The following DRGX variants were observed in gnomAD, a reference collection of about 807,000 sequenced individuals.
DRGX encodes dorsal root ganglia homeobox protein.
Under a neutral mutation model 28.6 loss-of-function variants are expected in DRGX, and 21 were observed. That is an observed-to-expected ratio of 0.73 (90% CI 0.52 to 1.06). The LOEUF (loss-of-function observed/expected upper bound fraction) is 1.06, where lower values mean the gene tolerates loss of function less well. DRGX is among the 50% of genes least tolerant of loss of function. The pLI, the probability that DRGX is intolerant of heterozygous loss-of-function variation, is 0.00. For missense variants in DRGX, 354 were observed against 343.9 expected (o/e 1.03, Z -0.23); for synonymous variants, 136 against 139.1 (o/e 0.98, Z 0.16).
chr10:49,372,055 G>T (rs897895658), intron 6 of DRGX, among the ~76,000 whole-genome samples: 9 of 152,150 alleles, frequency 5.9e-5, no homozygotes, highest in Non-Finnish European at 1.3e-4. Context: ...GGAGCCATTT[G>T]CACAGAGGCA....
intron 6 of DRGX, among the ~76,000 whole-genome samples, chr10:49,375,791 C>T (rs1383585718): frequency 1.3e-5 from 2 of 152,116 alleles, no homozygotes; most frequent in Non-Finnish European, 2.9e-5. Context: ...ACAGCCAGAG[C>T]AGTCACAGGG....
intron 2 of DRGX, chr10:49,391,926 C>T (rs185786813): frequency 4.1e-6 from 2 of 482,568 alleles, no homozygotes; most frequent in East Asian, 1.3e-4. Flanking sequence ...GTCCTGAATG[C>T]CAAGCAGACT....
intron 6 of DRGX, among the ~76,000 whole-genome samples, chr10:49,375,644 G>A (rs1004383798): frequency 1.3e-5 from 2 of 152,078 alleles, no homozygotes; most frequent in African/African-American, 4.8e-5. Flanking sequence ...TCATTGATGG[G>A]GGCCAACTCA....
intron 6 of DRGX, among the ~76,000 whole-genome samples, chr10:49,368,510 G>C (rs1446072075): frequency 6.6e-6 from 1 of 152,252 alleles, no homozygotes; most frequent in Non-Finnish European, 1.5e-5. Context: ...CACAGGCATA[G>C]CCACACCCTG....
rs369286007 is a variant in DRGX at position 49,381,266 on chromosome 10, C to T, written c.526+5212G>A. ...GGGCAGCCCGAGGGCCATCCAGGCG[C>T]CCACCTGGTAACCCTGCAGACTGGT... On this transcript the variant is annotated intron_variant, in intron 6 of 6. Transcript: ENST00000374139. 3.3e-5 allele frequency among the ~76,000 whole-genome samples: 5 copies of T among 152,332 alleles called. 1 individual carries two copies. Among genetic ancestry groups the T allele is most frequent in the African/African-American group, 1.2e-4 (5 of 41,572 alleles).
At chr10:49,376,203 C>T (rs565958174) in intron 6 of DRGX, among the ~76,000 whole-genome samples, 3 of 152,242 alleles carry the variant, frequency 2.0e-5, no homozygotes, top group Admixed American at 6.5e-5. Flanking sequence ...CTGCAGAAGC[C>T]GTGGTAACAT....
At chr10:49,386,947 C>T in intron 4 of DRGX, 89 bp from the exon 5 acceptor site, 1 of 1,426,202 alleles carries the variant, frequency 7.0e-7, no homozygotes, top group East Asian at 2.4e-5. Context: ...ACTCACAGCT[C>T]ACCCTGCAGC....
At chr10:49,370,854 T>C (rs1849651559) in intron 6 of DRGX, among the ~76,000 whole-genome samples, 1 of 152,216 alleles carries the variant, frequency 6.6e-6, no homozygotes, top group Admixed American at 6.5e-5. Context: ...TCAATACGAC[T>C]TCACAGTAAC....
Position 49,366,385 on chromosome 10 carries a change from G to T in DRGX, c.527-4C>A, listed in dbSNP as rs1467096534. On this transcript the variant is annotated splice_region_variant and splice_polypyrimidine_tract_variant and intron_variant, in intron 6 of 6. Coordinates refer to ENST00000374139, the MANE Select transcript of DRGX (RefSeq NM_001276451.2). ...CAGCAAGAGCACAGTGGGCCCCCTGGAAAAGGAAAAACAACAGGCTCCCAT... is the reference window on the plus strand; with the variant it reads ...CAGCAAGAGCACAGTGGGCCCCCTGTAAAAGGAAAAACAACAGGCTCCCAT... 2 of 1,591,524 alleles carry T rather than the reference G, an allele frequency of 1.3e-6. No individual in the cohort carries two copies. Among genetic ancestry groups the T allele is most frequent in the Non-Finnish European group, 1.7e-6 (2 of 1,165,710 alleles).
intron 6 of DRGX, among the ~76,000 whole-genome samples, chr10:49,375,532 G>C (rs1228939299): frequency 6.6e-6 from 1 of 152,204 alleles, no homozygotes; most frequent in East Asian, 1.9e-4. Flanking sequence ...TAATTTGGAA[G>C]GGGTTTTGGT....
chr10:49,384,780 C>T (rs1849813646), intron 6 of DRGX, among the ~76,000 whole-genome samples: 1 of 152,198 alleles, frequency 6.6e-6, no homozygotes, highest in South Asian at 2.1e-4. Flanking sequence ...CCTCGGTCTC[C>T]CCACCCTCCT....
chr10:49,366,517 C>A, intron 6 of DRGX, 136 bp from the exon 7 acceptor site: 1 of 1,298,664 alleles, frequency 7.7e-7, no homozygotes, highest in Non-Finnish European at 1.0e-6. Context: ...GGGAGAAGGA[C>A]AAGTGCTCAG....
intron 6 of DRGX, among the ~76,000 whole-genome samples, chr10:49,371,546 CT>C (rs1201376570): frequency 6.6e-6 from 1 of 151,708 alleles, no homozygotes; most frequent in Non-Finnish European, 1.5e-5. Flanking sequence ...AATCCCAGCA[CT>C]TTGGGAGGCC....
At chr10:49,383,934 A>C (rs964583817) in intron 6 of DRGX, among the ~76,000 whole-genome samples, 10 of 152,242 alleles carry the variant, frequency 6.6e-5, no homozygotes, top group Non-Finnish European at 1.3e-4. Context: ...AATACTTCAA[A>C]TATAAATACA....
intron 6 of DRGX, among the ~76,000 whole-genome samples, chr10:49,371,034 A>G (rs894079990): frequency 3.9e-5 from 6 of 152,214 alleles, no homozygotes; most frequent in African/African-American, 1.4e-4. Context: ...GGGGATAGGA[A>G]CTACAGTGAT....
intron 6 of DRGX, among the ~76,000 whole-genome samples, chr10:49,377,179 G>A (rs1405554165): frequency 6.6e-6 from 1 of 152,236 alleles, no homozygotes; most frequent in Non-Finnish European, 1.5e-5. Context: ...CAGGCCCAGA[G>A]CAACACAAGA....
chr10:49,366,840 A>C (rs1325090771), intron 6 of DRGX, among the ~76,000 whole-genome samples: 1 of 152,240 alleles, frequency 6.6e-6, no homozygotes, highest in Non-Finnish European at 1.5e-5. Flanking sequence ...GGTGCCGGGC[A>C]AGCTGCTGGC....
intron 2 of DRGX, among the ~76,000 whole-genome samples, chr10:49,394,053 T>C (rs1849939629): frequency 6.6e-6 from 1 of 152,204 alleles, no homozygotes; most frequent in Admixed American, 6.5e-5. Context: ...ACCCTTAACA[T>C]ACAGAAAGTC....
intron 6 of DRGX, among the ~76,000 whole-genome samples, chr10:49,385,979 C>A (rs1849829145): frequency 1.3e-5 from 2 of 152,126 alleles, no homozygotes; most frequent in Non-Finnish European, 1.5e-5. Context: ...CTAACGATTT[C>A]TATCCTTCAG....
Sources: allele counts gnomAD v4.1 joint callset (sites outside exome capture counted in the v4.1 genomes callset), GRCh38; gene constraint gnomAD v4.1.1; transcripts MANE v1.5; gene names NCBI Gene and HGNC (gene_info 2026-07-23, HGNC 2026-07-21).